The following ROS1 variants were observed in gnomAD, a reference collection of about 807,000 sequenced individuals.
The protein encoded by ROS1 is ROS proto-oncogene 1, receptor tyrosine kinase.
In ROS1, 263 loss-of-function variants were observed where a neutral mutation model predicts 273.5. The ratio of observed to expected loss-of-function variants is 0.96; its 90% CI spans 0.87 to 1.06. The LOEUF (loss-of-function observed/expected upper bound fraction) is 1.06. ROS1 is among the 50% of genes least tolerant of loss of function. The probability of loss-of-function intolerance (pLI) is 0.00; values close to 1 mark genes in which losing one functional copy is unlikely to be tolerated. For missense variants in ROS1, 2,833 were observed against 2,751.1 expected, an observed-to-expected ratio of 1.03 and a Z score of -0.67; for synonymous variants, 1,008 against 954.1, an observed-to-expected ratio of 1.06 and a Z score of -1.04.
Position 117,357,980 on chromosome 6 carries a change from G to C in ROS1, c.3663C>G (p.Ile1221Met). Residue 1221 changes from isoleucine to methionine, a missense_variant, in exon 25 of 44, where the codon ATC (isoleucine) becomes ATG (methionine). Physicochemically the swap from Ile to Met is conservative, Grantham distance 10. Transcript: ENST00000368507. ...AAATCCAGTCAATTGTAATAACTGT[G>C]ATATCAAAAACCAGTGAATCTTGGA... ...ELFQDSLVFD[I>M]TVITIDWISR... 1 of 1,613,190 alleles carries C rather than the reference G, an allele frequency of 6.2e-7. No individual in the cohort carries two copies. The highest frequency in any genetic ancestry group is 8.5e-7 in the Non-Finnish European group (1 of 1,179,482).
At chr6:117,424,388 GTTTT>G (rs1240528804) in intron 1 of ROS1, among the ~76,000 whole-genome samples, 1 of 151,472 alleles carries the variant, frequency 6.6e-6, no homozygotes, top group African/African-American at 2.4e-5. Context: ...AGAATTAGAA[GTTTT>G]TTATTCTTCT....
intron 27 of ROS1, among the ~76,000 whole-genome samples, chr6:117,349,363 G>T (rs1462226997): frequency 6.6e-6 from 1 of 151,966 alleles, no homozygotes; most frequent in Non-Finnish European, 1.5e-5. Flanking sequence ...TTGCTCTGAA[G>T]TCTGCTGTCT....
chr6:117,408,135 T>C (rs1774575147), intron 5 of ROS1, among the ~76,000 whole-genome samples: 2 of 151,770 alleles, frequency 1.3e-5, no homozygotes, highest in Non-Finnish European at 2.9e-5. Flanking sequence ...GGCAATACCA[T>C]TCAGGACATA....
chr6:117,372,378 T>C (rs1306163063), intron 18 of ROS1, among the ~76,000 whole-genome samples: 1 of 152,236 alleles, frequency 6.6e-6, no homozygotes, highest in Non-Finnish European at 1.5e-5. Flanking sequence ...CTCCTAATAC[T>C]GACAAATTAA....
chr6:117,397,848 T>A (rs1351850017), intron 7 of ROS1, among the ~76,000 whole-genome samples: 1 of 152,218 alleles, frequency 6.6e-6, no homozygotes, highest in African/African-American at 2.4e-5. Flanking sequence ...CACCTGCTTT[T>A]CAAACCAAAC....
chr6:117,372,131 G>A (rs1780843366), intron 18 of ROS1, among the ~76,000 whole-genome samples: 2 of 152,142 alleles, frequency 1.3e-5, no homozygotes, highest in Admixed American at 1.3e-4. Flanking sequence ...CAAACGCATG[G>A]CCAACATTAC....
intron 18 of ROS1, among the ~76,000 whole-genome samples, chr6:117,367,012 T>C (rs1456177965): frequency 6.6e-6 from 1 of 152,180 alleles, no homozygotes; most frequent in Non-Finnish European, 1.5e-5. Context: ...AAGAAAGACA[T>C]GAGGCAAGGT....
chr6:117,386,431 T>C (rs191723265), intron 15 of ROS1, among the ~76,000 whole-genome samples: 89 of 152,404 alleles, frequency 5.8e-4, no homozygotes, highest in Admixed American at 4.9e-3. Context: ...TTCTTCCTTC[T>C]AACGCCTTCC....
chr6:117,325,658 G>A (rs1193522884), intron 34 of ROS1, among the ~76,000 whole-genome samples: 1 of 152,122 alleles, frequency 6.6e-6, no homozygotes, highest in African/African-American at 2.4e-5. Flanking sequence ...AGCCAAGGTG[G>A]AAAGAGGAAG....
chr6:117,343,353 G>A (rs2128625058), intron 28 of ROS1, among the ~76,000 whole-genome samples: 1 of 152,276 alleles, frequency 6.6e-6, no homozygotes, highest in South Asian at 2.1e-4. Context: ...ACATCCAACA[G>A]TTAGTCAATT....
Position 117,396,179 on chromosome 6 carries a change from G to GA in ROS1, c.883+8dup, listed in dbSNP as rs371029355. 9.4e-3 allele frequency: 15,082 copies of GA among 1,610,460 alleles called. 85 individuals are homozygous for GA. The highest frequency in any genetic ancestry group is 0.011 in the Non-Finnish European group (13,392 of 1,176,892). On this transcript the variant is annotated intron_variant, in intron 9 of 43. Transcript: ENST00000368507. ...CCTGTGTAGCTAAAGGAAGAAGCCT[G>GA]ACCCATACCTGCTGAAGATGAAGTG...
chr6:117,323,627 T>A (rs1036208179), intron 35 of ROS1, among the ~76,000 whole-genome samples: 1 of 152,164 alleles, frequency 6.6e-6, no homozygotes, highest in Non-Finnish European at 1.5e-5. Flanking sequence ...TAAACAAGAA[T>A]GTATGATCAC....
At chr6:117,317,067 AAATTT>A in intron 39 of ROS1, 71 bp downstream of exon 39, 1 of 1,474,042 alleles carries the variant, frequency 6.8e-7, no homozygotes. Context: ...GCAGCCTATT[AAATTT>A]AAAGAAAATT....
chr6:117,389,733 G>C lies in ROS1; in HGVS notation c.1403C>G (p.Ala468Gly), dbSNP rs779093341. The change falls in exon 13 of 44, where the codon GCA becomes GGA. Residue 468 changes from alanine (A) to glycine (G), a missense_variant. Ala to Gly is a moderately conservative substitution (Grantham distance 60). Coordinates refer to ENST00000368507, the MANE Select transcript of ROS1 (RefSeq NM_001378902.1). ...GATTCGCTTGGCTTGTGGCTTGATT[G>C]CAAAGTCCTTTAACGTGCAACTCTC... The part of the protein sequence containing the change: ...IVESCTLKDF[A>G]IKPQAKRIIY... 8.1e-6 allele frequency: 13 copies of C among 1,613,686 alleles called. No homozygotes were observed. The highest frequency in any genetic ancestry group is 1.1e-5 in the Non-Finnish European group (13 of 1,179,946).
At chr6:117,362,393 A>G (rs1475589838) in intron 22 of ROS1, among the ~76,000 whole-genome samples, 5 of 152,040 alleles carry the variant, frequency 3.3e-5, no homozygotes, top group Admixed American at 3.3e-4. Context: ...CAAAAGGTCC[A>G]CTTTCCATTT....
intron 31 of ROS1, among the ~76,000 whole-genome samples, chr6:117,338,552 T>G (rs1387528555): frequency 1.5e-5 from 2 of 136,238 alleles, no homozygotes; most frequent in Non-Finnish European, 3.4e-5. Flanking sequence ...AAAAAAAAAG[T>G]CTTAACTCTT....
chr6:117,360,292 A>ACACACACG lies in ROS1; in HGVS notation c.3430+42_3430+49dup, dbSNP rs1036314608. ...CAATGGGACACACACACACACACAC[A>ACACACACG]CACACACGCCTCTAAATTATTATTT... is the stretch of plus-strand genomic sequence containing the variant. On this transcript the variant is annotated intron_variant, in intron 23 of 43. Coordinates refer to ENST00000368507, the MANE Select transcript of ROS1 (RefSeq NM_001378902.1). 8 of 1,366,680 alleles carry ACACACACG rather than the reference A, an allele frequency of 5.9e-6. No individual in the cohort carries two copies. In the South Asian group the frequency reaches 9.9e-5, roughly 17 times the overall value. 84.7% of individuals were successfully genotyped at this position (1,366,680 alleles called of 1,614,324 possible).
intron 43 of ROS1, among the ~76,000 whole-genome samples, chr6:117,289,423 A>C (rs559592622): frequency 2.0e-5 from 3 of 152,204 alleles, no homozygotes; most frequent in Non-Finnish European, 4.4e-5. Context: ...CTTCAATTGA[A>C]ATATGAGGAA....
intron 35 of ROS1, among the ~76,000 whole-genome samples, chr6:117,322,386 G>A (rs1056494920): frequency 3.9e-5 from 6 of 151,960 alleles, no homozygotes; most frequent in Non-Finnish European, 5.9e-5. Flanking sequence ...GACTAATTGC[G>A]CCTCTCTGTG....
Sources: gnomAD v4.1 joint callset for allele counts (sites outside exome capture counted in the v4.1 genomes callset) on GRCh38, gnomAD v4.1.1 for gene constraint, MANE v1.5 for transcripts, NCBI Gene and HGNC (gene_info 2026-07-23, HGNC 2026-07-21) for gene names.